DCC: variants seen among roughly 807,000 people sequenced by gnomAD.
The protein encoded by DCC is netrin receptor DCC.
A neutral mutation model predicts 172.5 loss-of-function variants in DCC; 58 were observed. The observed-to-expected ratio is 0.34, with a 90% CI of 0.27 to 0.42. DCC has a LOEUF of 0.42. Among genes scored for constraint, DCC ranks in the 10% least tolerant of loss-of-function variants. The pLI is 1.00. For synonymous variants in DCC, 709 were observed against 644.5 expected, an observed-to-expected ratio of 1.10 and a Z score of -1.52; for missense variants, 1,740 against 1,791.0, an observed-to-expected ratio of 0.97 and a Z score of 0.51.
intron 1 of DCC, among the ~76,000 whole-genome samples, chr18:52,635,853 G>A (rs2034768153): frequency 6.6e-6 from 1 of 152,172 alleles, no homozygotes. Flanking sequence ...ACGGGAGCCA[G>A]GACTAGAATG....
At chr18:52,811,010 A>G (rs2038186999) in intron 2 of DCC, among the ~76,000 whole-genome samples, 1 of 152,228 alleles carries the variant, frequency 6.6e-6, no homozygotes, top group Admixed American at 6.5e-5. Flanking sequence ...CAGTGGCATG[A>G]ACAGAGCTTA....
intron 5 of DCC, among the ~76,000 whole-genome samples, chr18:52,959,300 A>G (rs1231786454): frequency 6.6e-6 from 1 of 152,166 alleles, no homozygotes; most frequent in Non-Finnish European, 1.5e-5. Flanking sequence ...TTTTCAGAGC[A>G]TTCATGTTTA....
At chr18:52,610,179 ATATATATATATATATAT>A (rs1489352627) in intron 1 of DCC, among the ~76,000 whole-genome samples, 170 of 8,720 alleles carry the variant, frequency 0.019, 8 homozygotes, top group Non-Finnish European at 0.025. Context: ...AAAAAAAAAA[ATATATATATATATATAT>A]ATATATATAT....
chr18:52,381,086 G>A (rs1985565481), intron 1 of DCC, among the ~76,000 whole-genome samples: 1 of 152,066 alleles, frequency 6.6e-6, no homozygotes, highest in African/African-American at 2.4e-5. Flanking sequence ...AAAAAGGGGG[G>A]CACTAATTAT....
intron 8 of DCC, among the ~76,000 whole-genome samples, chr18:53,175,930 C>T (rs2055085729): frequency 6.6e-6 from 1 of 152,142 alleles, no homozygotes; most frequent in Admixed American, 6.5e-5. Context: ...TCAAACTATA[C>T]CACAAGGCTA....
At chr18:52,418,491 G>T (rs1347029259) in intron 1 of DCC, among the ~76,000 whole-genome samples, 1 of 152,160 alleles carries the variant, frequency 6.6e-6, no homozygotes, top group Non-Finnish European at 1.5e-5. Context: ...CAACTCAAAC[G>T]AAAGTAAAGT....
chr18:52,540,534 T>C (rs2032408373), intron 1 of DCC, among the ~76,000 whole-genome samples: 1 of 151,764 alleles, frequency 6.6e-6, no homozygotes. Context: ...TGATATTCAG[T>C]ATAGTTACTG....
intron 8 of DCC, among the ~76,000 whole-genome samples, chr18:53,157,903 T>A (rs1394991344): frequency 2.6e-5 from 4 of 152,204 alleles, no homozygotes; most frequent in Non-Finnish European, 4.4e-5. Context: ...ACATGACTTC[T>A]CTGAGCCTCA....
chr18:52,725,504 G>A (rs928249153), intron 1 of DCC, among the ~76,000 whole-genome samples: 11 of 152,172 alleles, frequency 7.2e-5, no homozygotes, highest in African/African-American at 2.7e-4. Context: ...TGTGCCATGC[G>A]GGCTGCCACA....
intron 28 of DCC, among the ~76,000 whole-genome samples, chr18:53,529,264 G>T (rs1272893923): frequency 6.6e-6 from 1 of 152,018 alleles, no homozygotes; most frequent in Non-Finnish European, 1.5e-5. Context: ...GTAGCTTTGT[G>T]CCTACCTCCC....
At chr18:53,311,319 C>T (rs1963070) in intron 13 of DCC, among the ~76,000 whole-genome samples, 56,513 of 151,862 alleles carry the variant, frequency 0.37, 11,250 homozygotes, top group East Asian at 0.59. Context: ...GACGAGGTTT[C>T]GCCATTTTGG....
chr18:52,706,795 C>A (rs1031423989), intron 1 of DCC, among the ~76,000 whole-genome samples: 1 of 152,210 alleles, frequency 6.6e-6, no homozygotes, highest in Non-Finnish European at 1.5e-5. Flanking sequence ...TCTACTACTT[C>A]ACCCACTGTA....
Position 53,205,212 on chromosome 18 carries a change from A to G in DCC, c.1574-4A>G. 1 of 1,610,852 alleles carries G rather than the reference A, an allele frequency of 6.2e-7. No individual in the cohort carries two copies. Among genetic ancestry groups the G allele is most frequent in the Non-Finnish European group, 8.5e-7 (1 of 1,177,148 alleles). ...CTTTCTTTCTTTATTATTTTTTTAT[A>G]CAGTGCAAGTTCCAGGGCCAGTAGA... is the stretch of plus-strand genomic sequence containing the variant. On this transcript the variant is annotated splice_region_variant and splice_polypyrimidine_tract_variant and intron_variant, in intron 9 of 28. Transcript: ENST00000442544.
intron 15 of DCC, among the ~76,000 whole-genome samples, chr18:53,351,286 G>A (rs1179215417): frequency 5.0e-5 from 2 of 39,612 alleles, no homozygotes; most frequent in African/African-American, 1.5e-4. Flanking sequence ...TTCTCATTGA[G>A]TACAGTATAT....
chr18:53,222,743 T>G (rs2055962321), intron 12 of DCC, among the ~76,000 whole-genome samples: 2 of 152,148 alleles, frequency 1.3e-5, no homozygotes, highest in Admixed American at 1.3e-4. Flanking sequence ...GAGAAATATG[T>G]GAGGTTTCCT....
At chr18:52,914,922 A>T (rs896986700) in intron 3 of DCC, among the ~76,000 whole-genome samples, 1 of 152,142 alleles carries the variant, frequency 6.6e-6, no homozygotes, top group Non-Finnish European at 1.5e-5. Context: ...GTGCCCTTTC[A>T]TTTCCATTTG....
rs538952165 is a variant in DCC, at chr18:53,221,208, C to A, written c.1911+5611C>A. Among the ~76,000 whole-genome samples, 21 of 152,016 alleles carry A rather than the reference C, an allele frequency of 1.4e-4. 1 individual carries two copies. In the South Asian group the frequency reaches 4.4e-3, roughly 32 times the overall value. ...ACAAATTTAAGCATTTGTAAATGTG[C>A]AGTTTAAATGTGGTAAGTACATTCA... On this transcript the variant is annotated intron_variant, in intron 12 of 28. Coordinates refer to ENST00000442544, the MANE Select transcript of DCC (RefSeq NM_005215.4).
At chr18:53,451,710 G>GCTCTCTCTCTCTCTCTCTCTCTCT (rs371232356) in intron 23 of DCC, among the ~76,000 whole-genome samples, 3 of 147,340 alleles carry the variant, frequency 2.0e-5, no homozygotes, top group African/African-American at 7.5e-5. Context: ...GCTCGCTCTT[G>GCTCTCTCTCTCTCTCTCTCTCTCT]CTCTCTCTCT....
chr18:52,474,356 T>G (rs1989036381), intron 1 of DCC, among the ~76,000 whole-genome samples: 1 of 151,876 alleles, frequency 6.6e-6, no homozygotes, highest in Non-Finnish European at 1.5e-5. Context: ...CTTATAAGAC[T>G]CATTAAAAGA....
Sources: allele counts gnomAD v4.1 joint callset (sites outside exome capture counted in the v4.1 genomes callset), GRCh38; gene constraint gnomAD v4.1.1; transcripts MANE v1.5; gene names NCBI Gene and HGNC (gene_info 2026-07-23, HGNC 2026-07-21).